Variants in CLPTM1L observed in about 807,000 individuals in gnomAD.
CLPTM1L encodes lipid scramblase CLPTM1L.
CLPTM1L carries 38 observed loss-of-function variants against 70.9 expected under a neutral mutation model. The observed-to-expected ratio is 0.54, with a 90% confidence interval of 0.41 to 0.70. The LOEUF (loss-of-function observed/expected upper bound fraction) is 0.70, where lower values mean the gene tolerates loss of function less well. Among genes scored for constraint, CLPTM1L ranks in the 30% least tolerant of loss-of-function variants. CLPTM1L has a pLI of 0.00. For synonymous variants in CLPTM1L, 339 were observed against 299.9 expected, an observed-to-expected ratio of 1.13 and a Z score of -1.35; for missense variants, 652 against 705.9, an observed-to-expected ratio of 0.92 and a Z score of 0.87.
At chr5:1,323,169 G>A (rs1159265522) in intron 12 of CLPTM1L, among the ~76,000 whole-genome samples, 1 of 151,692 alleles carries the variant, frequency 6.6e-6, no homozygotes, top group Non-Finnish European at 1.5e-5. Context: ...GGGCAGCAGA[G>A]GCCAGGGGCT....
rs1560873116 is a variant in CLPTM1L at position 1,342,041 on chromosome 5, C to CGT, written c.264-182_264-181insAC. Among the ~76,000 whole-genome samples the CGT allele has an allele frequency of 2.0e-5, 2 of 99,216 alleles. No homozygotes were observed. The highest frequency in any genetic ancestry group is 2.1e-4 in the East Asian group (1 of 4,652). 65.1% of individuals were successfully genotyped at this position (99,216 alleles called of 152,430 possible). On this transcript the variant is annotated intron_variant, in intron 2 of 16. Transcript: ENST00000320895. The surrounding 1 kb of genome is among the most constrained non-coding windows in gnomAD (Gnocchi z 4.3). The stretch of plus-strand genomic sequence containing the variant: ...GTGTGTGTGTGTGTGTGTGTGTGTG[C>CGT]ACGCGCACGCGTGCGCGTCCTGAGA...
chr5:1,325,769 G>T lies in CLPTM1L; in HGVS notation c.1128C>A (p.Gly376=). Reference sequence around the variant, plus strand: ...ATCCTACCTGAAATTCGGGCATCAGGCCTCTCCAAAAAATAGTCATCTTCA... The same window carrying T: ...ATCCTACCTGAAATTCGGGCATCAGTCCTCTCCAAAAAATAGTCATCTTCA... ...KALKMTIFWR[G]LMPEFQFGTY... The change falls in exon 10 of 17, where the codon GGC becomes GGA. Residue 376 remains glycine (G), a synonymous_variant. Coordinates refer to ENST00000320895, the MANE Select transcript of CLPTM1L (RefSeq NM_030782.5). 6.2e-7 allele frequency: 1 copy of T among 1,613,798 alleles called. No homozygotes were observed. The highest frequency in any genetic ancestry group is 8.5e-7 in the Non-Finnish European group (1 of 1,179,736).
chr5:1,321,121 C>T (rs1752126897), intron 15 of CLPTM1L, among the ~76,000 whole-genome samples: 2 of 152,228 alleles, frequency 1.3e-5, no homozygotes, highest in South Asian at 4.1e-4. Flanking sequence ...GCCACCTGAG[C>T]ATTGCCCTTT....
chr5:1,330,231 G>A lies in CLPTM1L; in HGVS notation c.1080+49C>T, dbSNP rs181365549. On this transcript the variant is annotated intron_variant, in intron 9 of 16. Coordinates refer to ENST00000320895, the MANE Select transcript of CLPTM1L (RefSeq NM_030782.5). ...GGGGCTGAAAGCCTTTCCTGAGTGCGTGGAGGCACATGGACCTCAGACAGT... is the reference window on the plus strand; with the variant it reads ...GGGGCTGAAAGCCTTTCCTGAGTGCATGGAGGCACATGGACCTCAGACAGT... 9.2e-5 allele frequency: 137 copies of A among 1,484,480 alleles called. No individual in the cohort carries two copies. In the African/African-American group the frequency reaches 1.1e-3, roughly 12 times the overall value. The allele number at this position is 1,484,480 out of a possible 1,614,324, so 92.0% of individuals were successfully genotyped here. A position where few individuals can be genotyped will look rare whatever the true frequency, so the allele number is the denominator to read the frequency against.
At position 1,318,711 on chromosome 5, in the gene CLPTM1L, C is replaced by T. The variant is rs141806326; in HGVS notation, c.1533-258G>A. Among the ~76,000 whole-genome samples, 322 of 152,208 alleles carry T rather than the reference C, an allele frequency of 2.1e-3. No individual in the cohort carries two copies. Among genetic ancestry groups the T allele is most frequent in the African/African-American group, 7.4e-3 (307 of 41,528 alleles). ...CCGAAGGGACGACCCGGAGGCTGCA[C>T]GGGCTGCCATGGCTGAAGGGGGGAC... On this transcript the variant is annotated intron_variant, in intron 16 of 16. Transcript: ENST00000320895. The surrounding 1 kb of genome is among the most constrained non-coding windows in gnomAD (Gnocchi z 8.9).
At chr5:1,344,249 G>A (rs1196078187) in intron 2 of CLPTM1L, 102 bp downstream of exon 2, 10 of 810,708 alleles carry the variant, frequency 1.2e-5, no homozygotes, top group Non-Finnish European at 1.9e-5. Flanking sequence ...GGTAAGACTA[G>A]TTCTCTAAAA....
intron 12 of CLPTM1L, among the ~76,000 whole-genome samples, 194 bp from the exon 13 acceptor site, chr5:1,323,105 C>G (rs1752257407): frequency 6.6e-6 from 1 of 152,126 alleles, no homozygotes; most frequent in Non-Finnish European, 1.5e-5. Flanking sequence ...CCCGGCCGGG[C>G]AGCAGAGGCC....
At chr5:1,321,879 C>A in intron 13 of CLPTM1L, 60 bp from the exon 14 acceptor site, 2 of 1,508,086 alleles carry the variant, frequency 1.3e-6, no homozygotes, top group East Asian at 4.7e-5. Flanking sequence ...CATCTACGCA[C>A]AGACGGCACT....
At position 1,342,679 on chromosome 5, in the gene CLPTM1L, C is replaced by T. The variant is rs1416128273; in HGVS notation, c.264-819G>A. Among the ~76,000 whole-genome samples the T allele has an allele frequency of 1.3e-5, 2 of 152,260 alleles. No individual in the cohort carries two copies. Among genetic ancestry groups the T allele is most frequent in the African/African-American group, 2.4e-5 (1 of 41,476 alleles). On this transcript the variant is annotated intron_variant, in intron 2 of 16. Coordinates refer to ENST00000320895, the MANE Select transcript of CLPTM1L (RefSeq NM_030782.5). The surrounding 1 kb of genome is among the most constrained non-coding windows in gnomAD (Gnocchi z 4.3). ...CACAGCTCACTGCATCCTCAACCTC[C>T]TGAGCTCAAGTGACCTCCCGCCTCA...
intron 3 of CLPTM1L, among the ~76,000 whole-genome samples, chr5:1,340,657 C>T (rs944386020): frequency 2.4e-4 from 37 of 152,176 alleles, no homozygotes; most frequent in African/African-American, 8.4e-4. Flanking sequence ...GAGACAGATG[C>T]AAACTGGGGA....
At chr5:1,334,106 C>T (rs553305808) in intron 7 of CLPTM1L, among the ~76,000 whole-genome samples, 183 bp downstream of exon 7, 4 of 152,288 alleles carry the variant, frequency 2.6e-5, no homozygotes, top group Non-Finnish European at 2.9e-5. Flanking sequence ...TGGGAGAAAC[C>T]GCCCACTGGG....
Position 1,321,648 on chromosome 5 carries a change from G to A in CLPTM1L, c.1403C>T (p.Ala468Val), listed in dbSNP as rs1752159378. The A allele has an allele frequency of 1.2e-6, 2 of 1,613,756 alleles. No individual in the cohort carries two copies. The highest frequency in any genetic ancestry group is 1.7e-6 in the Non-Finnish European group (2 of 1,179,976). ...LKSVAHLPWK[A>V]FTYKAFNTFI... ...TGTCACACTCACCTTGTAGGTGAAGGCCTTCCAGGGCAGATGTGCCACTGA... is the reference window on the plus strand; with the variant it reads ...TGTCACACTCACCTTGTAGGTGAAGACCTTCCAGGGCAGATGTGCCACTGA... Residue 468 changes from alanine (A) to valine (V), a missense_variant, in exon 15 of 17, where the codon GCC becomes GTC. This residue lies in a region of CLPTM1L where 240 missense variants were observed against 295.0 expected (regional missense o/e 0.81). Coordinates refer to ENST00000320895, the MANE Select transcript of CLPTM1L (RefSeq NM_030782.5).
intron 2 of CLPTM1L, 31 bp from the exon 3 acceptor site, chr5:1,341,891 CAT>C: frequency 6.4e-7 from 1 of 1,551,176 alleles, no homozygotes; most frequent in East Asian, 2.3e-5. Context: ...CCACTACATA[CAT>C]ATTATATTCT....
Position 1,330,412 on chromosome 5 carries a change from G to C in CLPTM1L, c.977-29C>G, listed in dbSNP as rs766625859. ...GGGACAGGATGGTCGGGCTGGGAGG[G>C]GGTGCAGGGCAGACCCCACCTGTGT... On this transcript the variant is annotated intron_variant, in intron 8 of 16. Coordinates refer to ENST00000320895, the MANE Select transcript of CLPTM1L (RefSeq NM_030782.5). 1.4e-5 allele frequency: 22 copies of C among 1,589,938 alleles called. No homozygotes were observed. In the South Asian group the frequency reaches 1.7e-4, roughly 12 times the overall value.
At chr5:1,330,209 G>A (rs1373630940) in intron 9 of CLPTM1L, 71 bp downstream of exon 9, 1 of 1,282,636 alleles carries the variant, frequency 7.8e-7, no homozygotes. Flanking sequence ...AGGTCCCGGG[G>A]CTGAAAGCCT....
intron 5 of CLPTM1L, among the ~76,000 whole-genome samples, chr5:1,337,191 A>G (rs1753627411): frequency 6.6e-6 from 1 of 152,238 alleles, no homozygotes; most frequent in Non-Finnish European, 1.5e-5. Context: ...ACAACGCCAC[A>G]GCTCCCAGCA....
chr5:1,321,037 G>T (rs886395281), intron 15 of CLPTM1L, among the ~76,000 whole-genome samples: 2 of 152,160 alleles, frequency 1.3e-5, no homozygotes, highest in African/African-American at 4.8e-5. Flanking sequence ...CAGAGCCAAG[G>T]GCAGAGCCAC....
rs369232078 is a variant in CLPTM1L at position 1,342,915 on chromosome 5, G to A, written c.264-1055C>T. On this transcript the variant is annotated intron_variant, in intron 2 of 16. Coordinates refer to ENST00000320895, the MANE Select transcript of CLPTM1L (RefSeq NM_030782.5). The surrounding 1 kb of genome is among the most constrained non-coding windows in gnomAD (Gnocchi z 4.3). ...CTCCTTAAAAATCTTACGGTTGGCCGGGTGCGGCGGCTCACGCCTGTAATC... is the reference window on the plus strand; with the variant it reads ...CTCCTTAAAAATCTTACGGTTGGCCAGGTGCGGCGGCTCACGCCTGTAATC... Among the ~76,000 whole-genome samples the A allele has an allele frequency of 1.2e-3, 183 of 152,326 alleles. No homozygotes were observed. Among genetic ancestry groups the A allele is most frequent in the African/African-American group, 4.0e-3 (168 of 41,578 alleles).
rs563852060 is a variant in CLPTM1L, at chr5:1,338,435, G to C, written c.599+425C>G. 1.6e-3 allele frequency: 441 copies of C among 268,338 alleles called. 2 individuals carry two copies. Among genetic ancestry groups the C allele is most frequent in the Non-Finnish European group, 2.2e-3 (309 of 140,444 alleles). 16.6% of individuals were successfully genotyped at this position (268,338 alleles called of 1,614,324 possible). On this transcript the variant is annotated intron_variant, in intron 4 of 16. Coordinates refer to ENST00000320895, the MANE Select transcript of CLPTM1L (RefSeq NM_030782.5). ...GGGGGGGGATCCCCAACACATGGGA[G>C]AGACGAGGTGAGCTCAGGTGGCCAA... is the stretch of plus-strand genomic sequence containing the variant.
Sources: gnomAD v4.1 joint callset for allele counts (sites outside exome capture counted in the v4.1 genomes callset) on GRCh38, gnomAD v4.1.1 for gene constraint, gnomAD v4.1.1 regional missense constraint, Gnocchi (gnomAD v3.1) non-coding constraint, MANE v1.5 for transcripts, NCBI Gene and HGNC (gene_info 2026-07-23, HGNC 2026-07-21) for gene names.